NET1: variants seen among roughly 807,000 people sequenced by gnomAD.
The protein encoded by NET1 is neuroepithelial cell transforming 1.
A neutral mutation model predicts 61.1 loss-of-function variants in NET1; 42 were observed. That is an observed-to-expected ratio of 0.69 (90% CI 0.54 to 0.89). The LOEUF (loss-of-function observed/expected upper bound fraction) is 0.89. NET1 is among the 40% of genes least tolerant of loss of function. The probability of loss-of-function intolerance (pLI) is 0.00; values close to 1 mark genes in which losing one functional copy is unlikely to be tolerated. For synonymous variants in NET1, 254 were observed against 281.8 expected, an observed-to-expected ratio of 0.90 and a Z score of 0.99; for missense variants, 654 against 747.3, an observed-to-expected ratio of 0.88 and a Z score of 1.46.
intron 3 of NET1, among the ~76,000 whole-genome samples, chr10:5,442,777 T>G (rs1306777669): frequency 6.6e-6 from 1 of 151,298 alleles, no homozygotes. Flanking sequence ...CTCGGGAGGC[T>G]GAGGCATGAG....
At chr10:5,429,683 A>G (rs1379796692) in intron 3 of NET1, among the ~76,000 whole-genome samples, 1 of 152,210 alleles carries the variant, frequency 6.6e-6, no homozygotes, top group East Asian at 1.9e-4. Flanking sequence ...TGTAAGTCAT[A>G]TGTGGCCCAT....
Position 5,447,716 on chromosome 10 carries a change from A to AGCTGCCGTCTTCAGG in NET1, c.256-4114_256-4113insGCTGCCGTCTTCAGG. ...ACATACACACACCTTTTGGTAGTTA[A>AGCTGCCGTCTTCAGG]AATAGCTGCCGTCTTCAGGAAGTAC... On this transcript the variant is annotated intron_variant, in intron 3 of 11. Coordinates refer to ENST00000355029, the MANE Select transcript of NET1 (RefSeq NM_001047160.3). The surrounding 1 kb of genome is among the most constrained non-coding windows in gnomAD (Gnocchi z 4.1). 6.6e-6 allele frequency among the ~76,000 whole-genome samples: 1 copy of AGCTGCCGTCTTCAGG among 152,236 alleles called. No individual in the cohort carries two copies. The highest frequency in any genetic ancestry group is 1.9e-4 in the East Asian group (1 of 5,206).
Position 5,441,554 on chromosome 10 carries a change from T to A in NET1, c.256-10276T>A, listed in dbSNP as rs1832525498. Among the ~76,000 whole-genome samples the A allele has an allele frequency of 6.6e-6, 1 of 152,248 alleles. No homozygotes were observed. The highest frequency in any genetic ancestry group is 1.5e-5 in the Non-Finnish European group (1 of 68,044). On this transcript the variant is annotated intron_variant, in intron 3 of 11. Transcript: ENST00000355029. The surrounding 1 kb of genome is among the most constrained non-coding windows in gnomAD (Gnocchi z 4.6). ...GTTATTCGTTACCTGAGATAAAAAG[T>A]CACCACTAACAGTGCTGATACCCCA...
rs1296595776 is a variant in NET1 at position 5,415,753 on chromosome 10, ATTTC to A, written c.128+2937_128+2940del. On this transcript the variant is annotated intron_variant, in intron 1 of 11. Coordinates refer to ENST00000355029, the MANE Select transcript of NET1 (RefSeq NM_001047160.3). This position sits in a 1 kb window ranked among gnomAD's most constrained non-coding sequence, Gnocchi z 4.7. Reference sequence around the variant, plus strand: ...CGCACCTGGCCCTGTTCATTTTTAAATTTCTTTTTTATTGAGTTGTTAAGAGTTC... The same window carrying A: ...CGCACCTGGCCCTGTTCATTTTTAAATTTTTTATTGAGTTGTTAAGAGTTC... 2.0e-5 allele frequency among the ~76,000 whole-genome samples: 3 copies of A among 151,998 alleles called. No individual in the cohort carries two copies. The highest frequency in any genetic ancestry group is 7.3e-5 in the African/African-American group (3 of 41,362).
In NET1 at chr10:5,455,008, C is replaced by T; in HGVS notation, c.1087C>T (p.Gln363Ter). The T allele has an allele frequency of 6.2e-7, 1 of 1,614,052 alleles. No homozygotes were observed. The highest frequency in any genetic ancestry group is 8.5e-7 in the Non-Finnish European group (1 of 1,179,986). ...INLKKGESEC[Q>*]YYIDKLEYLD... Reference sequence around the variant, plus strand: ...CTTGAAGAAAGGTGAATCCGAGTGCCAGTATTACATCGACAAGCTGGAGTA... The same window carrying T: ...CTTGAAGAAAGGTGAATCCGAGTGCTAGTATTACATCGACAAGCTGGAGTA... The change falls in exon 10 of 12, where the codon CAG (glutamine) becomes TAG (stop). Residue 363 changes from glutamine (Q) to a stop codon, truncating the protein, a stop_gained. Transcript: ENST00000355029. LOFTEE classifies it high-confidence loss of function. The surrounding 1 kb of genome is among the most constrained non-coding windows in gnomAD (Gnocchi z 6.5).
At position 5,426,826 on chromosome 10, in the gene NET1, TGAG is replaced by T; in HGVS notation, c.195+108_195+110del. On this transcript the variant is annotated intron_variant, in intron 2 of 11. Coordinates refer to ENST00000355029, the MANE Select transcript of NET1 (RefSeq NM_001047160.3). The surrounding 1 kb of genome is among the most constrained non-coding windows in gnomAD (Gnocchi z 4.6). Reference sequence around the variant, plus strand: ...CAGTGGTCCTTACTTCTGAGGGTCTTGAGGAACAGAATTCCTGTAACCATCTTT... The same window carrying T: ...CAGTGGTCCTTACTTCTGAGGGTCTTGAACAGAATTCCTGTAACCATCTTT... 3.0e-6 allele frequency: 2 copies of T among 675,308 alleles called. No individual in the cohort carries two copies. The highest frequency in any genetic ancestry group is 4.7e-6 in the Non-Finnish European group (2 of 426,920). 41.8% of individuals were successfully genotyped at this position (675,308 alleles called of 1,614,324 possible).
intron 3 of NET1, among the ~76,000 whole-genome samples, chr10:5,430,946 A>G (rs1832340729): frequency 6.9e-6 from 1 of 145,140 alleles, no homozygotes; most frequent in South Asian, 2.2e-4. Flanking sequence ...ATCTCTGCTC[A>G]CTGCAAGCTC....
At chr10:5,428,926 G>A (rs1264338158) in intron 2 of NET1, among the ~76,000 whole-genome samples, 2 of 150,996 alleles carry the variant, frequency 1.3e-5, no homozygotes, top group Non-Finnish European at 2.9e-5. Flanking sequence ...TAGAGACAGG[G>A]TTTCGCCACG....
chr10:5,430,548 T>TTTGTTTAGGTTTTTTTTGGTTTGGGGTTC (rs1832331908), intron 3 of NET1, among the ~76,000 whole-genome samples: 1 of 151,724 alleles, frequency 6.6e-6, no homozygotes, highest in African/African-American at 2.4e-5. Flanking sequence ...CTAATTTTTG[T>TTTGTTTAGGTTTTTTTTGGTTTGGGGTTC]ATTTTTAGTA....
rs1294390848 is a variant in NET1, at chr10:5,453,754, C to T, written c.768+194C>T. Among the ~76,000 whole-genome samples, 1 of 151,890 alleles carries T rather than the reference C, an allele frequency of 6.6e-6. No homozygotes were observed. The highest frequency in any genetic ancestry group is 1.9e-4 in the East Asian group (1 of 5,174). Reference sequence around the variant, plus strand: ...AAAAAAAAAAACACCTTCATTAATGCTATAGGTTCATTTGTGTTACAAATA... The same window carrying T: ...AAAAAAAAAAACACCTTCATTAATGTTATAGGTTCATTTGTGTTACAAATA... On this transcript the variant is annotated intron_variant, in intron 8 of 11. Transcript: ENST00000355029. This position sits in a 1 kb window ranked among gnomAD's most constrained non-coding sequence, Gnocchi z 4.9.
intron 1 of NET1, among the ~76,000 whole-genome samples, chr10:5,418,542 A>G (rs911984485): frequency 5.9e-5 from 9 of 151,910 alleles, no homozygotes; most frequent in African/African-American, 2.2e-4. Flanking sequence ...TCTTTTTATG[A>G]TGATGGTCAA....
chr10:5,451,870 C>T lies in NET1; in HGVS notation c.296C>T (p.Thr99Met), dbSNP rs1338208554. The T allele has an allele frequency of 6.2e-7, 1 of 1,613,916 alleles. No individual in the cohort carries two copies. Among genetic ancestry groups the T allele is most frequent in the African/African-American group, 1.3e-5 (1 of 75,018 alleles). ...AGAGTTCGACCTCTGGCTCGTGTCACGTCCTTGGCAAATTTAATCTCTCCT... is the reference window on the plus strand; with the variant it reads ...AGAGTTCGACCTCTGGCTCGTGTCATGTCCTTGGCAAATTTAATCTCTCCT... Reference protein sequence around the residue: ...NKRVRPLARVTSLANLISPVR... With the variant: ...NKRVRPLARVMSLANLISPVR... Residue 99 changes from threonine to methionine, a missense_variant, in exon 4 of 12, where the codon ACG becomes ATG. Transcript: ENST00000355029. This position sits in a 1 kb window ranked among gnomAD's most constrained non-coding sequence, Gnocchi z 6.1.
chr10:5,428,339 A>G (rs1312867118), intron 2 of NET1, among the ~76,000 whole-genome samples: 3 of 152,162 alleles, frequency 2.0e-5, no homozygotes, highest in Non-Finnish European at 4.4e-5. Context: ...AATGAAAGTG[A>G]TAAATGGTAA....
rs1396280468 is a variant in NET1 at position 5,457,560 on chromosome 10, AT to A, written c.*568del. ...TATATTAGTTTGTTTTTCACTGTACATTCCTCATTTTACATTCATTTAACCT... is the reference window on the plus strand; with the variant it reads ...TATATTAGTTTGTTTTTCACTGTACATCCTCATTTTACATTCATTTAACCT... On this transcript the variant is annotated 3_prime_UTR_variant, in exon 12 of 12. Transcript: ENST00000355029. The surrounding 1 kb of genome is among the most constrained non-coding windows in gnomAD (Gnocchi z 5.4). 1 of 152,552 alleles carries A rather than the reference AT, an allele frequency of 6.6e-6. No individual in the cohort carries two copies. The highest frequency in any genetic ancestry group is 6.5e-5 in the Admixed American group (1 of 15,284). The allele number at this position is 152,552 out of a possible 1,614,324, so 9.4% of individuals were successfully genotyped here. A position where few individuals can be genotyped will look rare whatever the true frequency, so the allele number is the denominator to read the frequency against.
intron 3 of NET1, among the ~76,000 whole-genome samples, chr10:5,429,684 T>C (rs530505815): frequency 1.3e-5 from 2 of 152,352 alleles, no homozygotes; most frequent in East Asian, 1.9e-4. Flanking sequence ...GTAAGTCATA[T>C]GTGGCCCATG....
chr10:5,415,228 G>A lies in NET1; in HGVS notation c.128+2408G>A, dbSNP rs1176898033. Among the ~76,000 whole-genome samples, 7 of 152,100 alleles carry A rather than the reference G, an allele frequency of 4.6e-5. No homozygotes were observed. The highest frequency in any genetic ancestry group is 8.8e-5 in the Non-Finnish European group (6 of 68,018). ...ATAAACTAATTTGAAAGACAAATAC[G>A]TACAGTACAATTTACCCACTTAAAT... On this transcript the variant is annotated intron_variant, in intron 1 of 11. Transcript: ENST00000355029. This position sits in a 1 kb window ranked among gnomAD's most constrained non-coding sequence, Gnocchi z 4.7.
chr10:5,416,354 T>C lies in NET1; in HGVS notation c.128+3534T>C, dbSNP rs979450527. Among the ~76,000 whole-genome samples, 1 of 152,216 alleles carries C rather than the reference T, an allele frequency of 6.6e-6. No homozygotes were observed. Among genetic ancestry groups the C allele is most frequent in the South Asian group, 2.1e-4 (1 of 4,830 alleles). On this transcript the variant is annotated intron_variant, in intron 1 of 11. Coordinates refer to ENST00000355029, the MANE Select transcript of NET1 (RefSeq NM_001047160.3). This position sits in a 1 kb window ranked among gnomAD's most constrained non-coding sequence, Gnocchi z 6.1. ...GAGTCCTCCTACTTTGTTCTTTTTT[T>C]CCCAAGATTGTTGTGGCTATCCTGG...
Position 5,453,663 on chromosome 10 carries a change from C to A in NET1, c.768+103C>A. Reference sequence around the variant, plus strand: ...GATTTGATCCCACAACTCTGTTCTACAAACACATAAGGCGTTAAAACTGAA... The same window carrying A: ...GATTTGATCCCACAACTCTGTTCTAAAAACACATAAGGCGTTAAAACTGAA... On this transcript the variant is annotated intron_variant, in intron 8 of 11. Transcript: ENST00000355029. The surrounding 1 kb of genome is among the most constrained non-coding windows in gnomAD (Gnocchi z 4.9). The A allele has an allele frequency of 2.0e-6, 2 of 983,520 alleles. No individual in the cohort carries two copies. Among genetic ancestry groups the A allele is most frequent in the Non-Finnish European group, 1.6e-6 (1 of 619,276 alleles). 60.9% of individuals were successfully genotyped at this position (983,520 alleles called of 1,614,324 possible).
rs1832105042 is a variant in NET1, at chr10:5,417,670, C to A, written c.128+4850C>A. On this transcript the variant is annotated intron_variant, in intron 1 of 11. Coordinates refer to ENST00000355029, the MANE Select transcript of NET1 (RefSeq NM_001047160.3). This position sits in a 1 kb window ranked among gnomAD's most constrained non-coding sequence, Gnocchi z 5.5. ...ATCTCTGGATGCCCTTTACTTTTTT[C>A]TCTTTCCTAATTGCCCTGGGTAGGG... is the stretch of plus-strand genomic sequence containing the variant. 6.6e-6 allele frequency among the ~76,000 whole-genome samples: 1 copy of A among 152,058 alleles called. No individual in the cohort carries two copies. Among genetic ancestry groups the A allele is most frequent in the Non-Finnish European group, 1.5e-5 (1 of 68,006 alleles).
Sources: gnomAD v4.1 joint callset for allele counts (sites outside exome capture counted in the v4.1 genomes callset) on GRCh38, gnomAD v4.1.1 for gene constraint, Gnocchi (gnomAD v3.1) non-coding constraint, MANE v1.5 for transcripts, NCBI Gene and HGNC (gene_info 2026-07-23, HGNC 2026-07-21) for gene names.